DNAH7: variants seen among roughly 807,000 people sequenced by gnomAD.
The protein encoded by DNAH7 is axonemal beta dynein heavy chain 7.
In DNAH7, 397 loss-of-function variants were observed where a neutral mutation model predicts 444.6. The observed-to-expected ratio is 0.89, with a 90% CI of 0.82 to 0.97. The LOEUF is 0.97. Among genes scored for constraint, DNAH7 ranks in the 50% least tolerant of loss-of-function variants. The pLI, the probability that DNAH7 is intolerant of heterozygous loss-of-function variation, is 0.00. For missense variants in DNAH7, 4,902 were observed against 4,800.8 expected (o/e 1.02, Z -0.62); for synonymous variants, 1,636 against 1,624.4 (o/e 1.01, Z -0.17).
In DNAH7 at chr2:195,923,696, G is replaced by A. The variant is rs1277193304; in HGVS notation, c.3724C>T (p.Leu1242=). Residue 1242 remains leucine (L), a synonymous_variant, in exon 23 of 65, where the codon CTG becomes TTG. Coordinates refer to ENST00000312428, the MANE Select transcript of DNAH7 (RefSeq NM_018897.3). Reference sequence around the variant, plus strand: ...AGGACATCTCTAGCATGGACATCCAGTACCACAAGTGCTCCCAGAGTTACG... The same window carrying A: ...AGGACATCTCTAGCATGGACATCCAATACCACAAGTGCTCCCAGAGTTACG... ...NRVTLGALVV[L]DVHARDVLSS... 6.2e-7 allele frequency: 1 copy of A among 1,614,072 alleles called. No homozygotes were observed. The highest frequency in any genetic ancestry group is 1.1e-5 in the South Asian group (1 of 91,070).
At chr2:195,747,769 T>G (rs1276554477) in intron 63 of DNAH7, among the ~76,000 whole-genome samples, 1 of 152,108 alleles carries the variant, frequency 6.6e-6, no homozygotes, top group African/African-American at 2.4e-5. Flanking sequence ...GAAAAGGCCT[T>G]TGACAAAATT....
intron 2 of DNAH7, among the ~76,000 whole-genome samples, chr2:196,053,496 A>G (rs908134943): frequency 3.3e-5 from 5 of 152,250 alleles, no homozygotes; most frequent in African/African-American, 1.2e-4. Context: ...AAGCTATTTC[A>G]TAAATGGTTC....
At chr2:195,976,984 T>C (rs10197639) in intron 15 of DNAH7, among the ~76,000 whole-genome samples, 8,498 of 152,156 alleles carry the variant, frequency 0.056, 378 homozygotes, top group African/African-American at 0.13. Context: ...GATCACAACA[T>C]TTAAGTCCCT....
At chr2:195,822,930 C>T (rs1697540548) in intron 49 of DNAH7, among the ~76,000 whole-genome samples, 2 of 152,028 alleles carry the variant, frequency 1.3e-5, no homozygotes, top group South Asian at 4.1e-4. Flanking sequence ...GTAATACTAT[C>T]TATTGGCTTT....
chr2:195,932,045 C>T (rs1054849448), intron 21 of DNAH7, among the ~76,000 whole-genome samples: 6 of 152,132 alleles, frequency 3.9e-5, no homozygotes, highest in Non-Finnish European at 8.8e-5. Flanking sequence ...TTGATTATTC[C>T]TACCCATGAG....
In DNAH7 at chr2:195,812,379, T is replaced by C. The variant is rs542322210; in HGVS notation, c.9762-2508A>G. On this transcript the variant is annotated intron_variant, in intron 51 of 64. Coordinates refer to ENST00000312428, the MANE Select transcript of DNAH7 (RefSeq NM_018897.3). ...ATGGGCGGCAGACAGGAAGAACCCA[T>C]TGGGTGGTTACAATTACATATACAT... 6.5e-4 allele frequency among the ~76,000 whole-genome samples: 99 copies of C among 152,286 alleles called. 1 individual carries two copies. Among genetic ancestry groups the C allele is most frequent in the African/African-American group, 2.2e-3 (92 of 41,578 alleles).
intron 27 of DNAH7, chr2:195,901,236 T>C (rs1686686915): frequency 6.6e-6 from 1 of 152,122 alleles, no homozygotes; most frequent in African/African-American, 2.4e-5. Flanking sequence ...ACACGATGTA[T>C]ATGTATATCA....
intron 36 of DNAH7, among the ~76,000 whole-genome samples, chr2:195,880,391 C>T (rs1701305242): frequency 6.7e-6 from 1 of 150,120 alleles, no homozygotes; most frequent in Non-Finnish European, 1.5e-5. Flanking sequence ...TGCAGTGGCG[C>T]GATCTCGGCT....
intron 21 of DNAH7, among the ~76,000 whole-genome samples, chr2:195,932,470 G>C (rs1240287646): frequency 1.3e-5 from 2 of 152,112 alleles, no homozygotes; most frequent in Non-Finnish European, 2.9e-5. Context: ...GGAGTGGTGA[G>C]AGACGGCATC....
At position 195,984,623 on chromosome 2, in the gene DNAH7, A is replaced by C. The variant is rs375337371; in HGVS notation, c.1833+9T>G. ...ACACACACAATTATGGAGAAGCTAT[A>C]AACAATACCTTCATTTCCATTAGTT... On this transcript the variant is annotated intron_variant, in intron 15 of 64. Transcript: ENST00000312428. 3.1e-6 allele frequency: 5 copies of C among 1,609,618 alleles called. No homozygotes were observed. Among genetic ancestry groups the C allele is most frequent in the African/African-American group, 1.3e-5 (1 of 74,868 alleles).
intron 12 of DNAH7, among the ~76,000 whole-genome samples, chr2:195,999,873 A>G (rs116390121): frequency 1.9e-3 from 297 of 152,322 alleles, no homozygotes; most frequent in African/African-American, 6.8e-3. Flanking sequence ...ACTAAACATA[A>G]ATTGTTTAGT....
intron 38 of DNAH7, 124 bp from the exon 39 acceptor site, chr2:195,873,818 T>G (rs1574632144): frequency 3.1e-6 from 2 of 641,732 alleles, no homozygotes; most frequent in Non-Finnish European, 4.6e-6. Context: ...AAGTTAAGAG[T>G]AATCAATTGT....
chr2:195,749,535 A>T (rs945288343), intron 63 of DNAH7, among the ~76,000 whole-genome samples: 12 of 152,288 alleles, frequency 7.9e-5, no homozygotes, highest in African/African-American at 2.9e-4. Context: ...ATGCACACAT[A>T]TGTTTATTGC....
At chr2:196,068,511 G>T (rs936212524) in intron 1 of DNAH7, 186 bp downstream of exon 1, 15 of 761,066 alleles carry the variant, frequency 2.0e-5, no homozygotes, top group Non-Finnish European at 2.8e-5. Context: ...AAACAGCTGG[G>T]AAGGGAACTT....
chr2:195,959,290 C>T (rs893392886), intron 18 of DNAH7, among the ~76,000 whole-genome samples: 5 of 152,118 alleles, frequency 3.3e-5, no homozygotes, highest in South Asian at 2.1e-4. Context: ...CCTCTTTGCA[C>T]AAGAAGACCT....
At chr2:195,833,962 C>T (rs1320623935) in intron 48 of DNAH7, among the ~76,000 whole-genome samples, 1 of 152,068 alleles carries the variant, frequency 6.6e-6, no homozygotes, top group African/African-American at 2.4e-5. Flanking sequence ...ACCAACCTGT[C>T]TTAGGAGGCC....
chr2:195,969,990 CT>C lies in DNAH7; in HGVS notation c.2162del (p.Lys721ArgfsTer5). 2.5e-6 allele frequency: 4 copies of C among 1,611,530 alleles called. No individual in the cohort carries two copies. The highest frequency in any genetic ancestry group is 1.3e-5 in the African/African-American group (1 of 74,908). On this transcript the variant is annotated frameshift_variant, in exon 17 of 65. Transcript: ENST00000312428. LOFTEE classifies it high-confidence loss of function. ...DLQDVQRYLK[K>X]AQILNGKLDL... is the part of the protein sequence containing the mutation. ...CCAACTTTCCATTCAGTATTTGAGCCTTTTTTAGGTACCGCTGAACATCCTG... is the reference window on the plus strand; with the variant it reads ...CCAACTTTCCATTCAGTATTTGAGCCTTTTTAGGTACCGCTGAACATCCTG...
Position 195,963,798 on chromosome 2 carries a change from TA to T in DNAH7, c.2206-2854del, listed in dbSNP as rs1194321144. Among the ~76,000 whole-genome samples the T allele has an allele frequency of 2.0e-5, 3 of 152,196 alleles. No homozygotes were observed. In the East Asian group the frequency reaches 5.8e-4, roughly 29 times the overall value. On this transcript the variant is annotated intron_variant, in intron 17 of 64. Coordinates refer to ENST00000312428, the MANE Select transcript of DNAH7 (RefSeq NM_018897.3). ...ATTTGATTTTTTATATGGTGAGAGA[TA>T]GGGGTCTAGCTTCATTCTTCTGTAT...
chr2:195,895,436 TTTTTGTTTTG>T (rs780616111), intron 29 of DNAH7, among the ~76,000 whole-genome samples: 10 of 152,182 alleles, frequency 6.6e-5, no homozygotes, highest in Non-Finnish European at 1.5e-4. Flanking sequence ...TTGCAAACAG[TTTTTGTTTTG>T]GTTTGTTTTG....
Sources: allele counts gnomAD v4.1 joint callset (sites outside exome capture counted in the v4.1 genomes callset), GRCh38; gene constraint gnomAD v4.1.1; transcripts MANE v1.5; gene names NCBI Gene and HGNC (gene_info 2026-07-23, HGNC 2026-07-21).